The following DMD variants were observed in gnomAD, a reference collection of about 807,000 sequenced individuals.
DMD encodes the protein dystrophin.
A neutral mutation model predicts 330.1 loss-of-function variants in DMD; 63 were observed. That is an observed-to-expected ratio of 0.19 (90% CI 0.16 to 0.24). DMD has a LOEUF of 0.24. DMD is among the 10% of genes least tolerant of loss of function. DMD has a pLI of 1.00. For missense variants in DMD, 3,344 were observed against 2,684.1 expected (o/e 1.25, Z -5.43); for synonymous variants, 1,223 against 959.8 (o/e 1.27, Z -5.07).
At chrX:32,634,525 G>C (rs1210983474) in intron 11 of DMD, among the ~76,000 whole-genome samples, 1 of 111,727 alleles carries the variant, frequency 9.0e-6, no homozygotes, top group East Asian at 2.8e-4. Context: ...GATTATTCAG[G>C]GCCCTAGGTC....
At chrX:32,807,843 C>T (rs1363050668) in intron 7 of DMD, among the ~76,000 whole-genome samples, 1 of 111,765 alleles carries the variant, frequency 8.9e-6, no homozygotes, top group East Asian at 2.8e-4. Context: ...AGAAAAATAT[C>T]TATTTTTAAA....
At chrX:31,940,092 A>G (rs6527135) in intron 45 of DMD, among the ~76,000 whole-genome samples, 7,636 of 111,560 alleles carry the variant, frequency 0.068, 705 homozygotes, top group African/African-American at 0.24. Flanking sequence ...AAGGGGAGGC[A>G]GACAGTAAAC....
intron 47 of DMD, among the ~76,000 whole-genome samples, chrX:31,926,663 G>A (rs1467281845): frequency 2.7e-5 from 3 of 109,345 alleles, no homozygotes; most frequent in Admixed American, 2.0e-4. Flanking sequence ...ATGACAAAGC[G>A]AGACTCTGTC....
chrX:32,535,673 C>T (rs112006793), intron 17 of DMD, among the ~76,000 whole-genome samples: 1 of 111,411 alleles, frequency 9.0e-6, no homozygotes, highest in Admixed American at 9.5e-5. Flanking sequence ...CCATCCCCTG[C>T]GCTGCGTCTC....
chrX:31,422,046 T>A (rs866915326), intron 60 of DMD, among the ~76,000 whole-genome samples: 5,403 of 97,997 alleles, frequency 0.055, 157 homozygotes, highest in Middle Eastern at 0.12. Flanking sequence ...TATATATATT[T>A]TTTTTTTTCT....
At chrX:32,027,028 C>A (rs1244114013) in intron 44 of DMD, among the ~76,000 whole-genome samples, 1 of 111,003 alleles carries the variant, frequency 9.0e-6, no homozygotes, top group Non-Finnish European at 1.9e-5. Context: ...TAGTTGCTGG[C>A]TTGCAGCTGG....
At chrX:32,328,605 A>G (rs1259382206) in intron 41 of DMD, among the ~76,000 whole-genome samples, 1 of 110,626 alleles carries the variant, frequency 9.0e-6, no homozygotes, top group African/African-American at 3.3e-5. Flanking sequence ...GAAACTTAGC[A>G]GGAATGGTAT....
intron 7 of DMD, among the ~76,000 whole-genome samples, chrX:32,800,594 C>T (rs1370374753): frequency 2.7e-5 from 3 of 111,241 alleles, no homozygotes; most frequent in African/African-American, 9.8e-5. Context: ...TTTTGGGATA[C>T]ATGTGCAGAA....
At chrX:32,745,547 CAA>C (rs1207665400) in intron 7 of DMD, among the ~76,000 whole-genome samples, 2 of 112,377 alleles carry the variant, frequency 1.8e-5, no homozygotes, top group Non-Finnish European at 3.8e-5. Context: ...GTAATGAGTT[CAA>C]AGTGTTTACA....
chrX:32,095,312 T>C (rs1438001363), intron 44 of DMD, among the ~76,000 whole-genome samples: 1 of 112,140 alleles, frequency 8.9e-6, no homozygotes, highest in Non-Finnish European at 1.9e-5. Context: ...TCGTTATCCA[T>C]AGTTTCAAGC....
intron 1 of DMD, among the ~76,000 whole-genome samples, chrX:33,201,081 G>A (rs1331962948): frequency 8.3e-5 from 9 of 108,564 alleles, no homozygotes; most frequent in East Asian, 5.8e-4. Context: ...ACAGGTGCAC[G>A]CCACCACGTC....
intron 1 of DMD, among the ~76,000 whole-genome samples, chrX:33,093,094 C>T (rs867953175): frequency 3.7e-4 from 41 of 111,158 alleles, no homozygotes; most frequent in African/African-American, 1.2e-3. Flanking sequence ...AGGCTGGTCT[C>T]GAACTCCTGA....
intron 2 of DMD, among the ~76,000 whole-genome samples, chrX:32,947,281 T>C (rs2090887261): frequency 8.9e-6 from 1 of 112,048 alleles, no homozygotes; most frequent in East Asian, 2.8e-4. Context: ...CAATTACAAA[T>C]CTGGCCTTCA....
chrX:32,624,380 G>A (rs757325883), intron 11 of DMD, among the ~76,000 whole-genome samples: 19 of 111,856 alleles, frequency 1.7e-4, no homozygotes, highest in African/African-American at 2.6e-4. Context: ...ACTTCCAATC[G>A]TTCAGATCAT....
At chrX:32,402,005 G>C (rs964352573) in intron 30 of DMD, among the ~76,000 whole-genome samples, 3 of 112,037 alleles carry the variant, frequency 2.7e-5, no homozygotes, top group Non-Finnish European at 5.6e-5. Flanking sequence ...TTAATAAAGG[G>C]CTAATTATTA....
chrX:32,658,798 T>A (rs1312652227), intron 9 of DMD, among the ~76,000 whole-genome samples: 1 of 111,583 alleles, frequency 9.0e-6, no homozygotes, highest in Non-Finnish European at 1.9e-5. Context: ...ATAAAACCAG[T>A]GGCCGCATTC....
In DMD at chrX:32,901,634, T is replaced by C. The variant is rs780152374; in HGVS notation, c.94-51814A>G. 1.5e-3 allele frequency among the ~76,000 whole-genome samples: 169 copies of C among 111,463 alleles called. 5 individuals are homozygous for C. Among genetic ancestry groups the C allele is most frequent in the African/African-American group, 5.5e-3 (167 of 30,284 alleles). On this transcript the variant is annotated intron_variant, in intron 2 of 78. Transcript: ENST00000357033. ...CATTATAAGCAGCTGTTTCAAAACCTAGTTTTATGCAACATGTGCCCTTTT... is the reference window on the plus strand; with the variant it reads ...CATTATAAGCAGCTGTTTCAAAACCCAGTTTTATGCAACATGTGCCCTTTT...
intron 44 of DMD, among the ~76,000 whole-genome samples, chrX:32,164,812 C>T (rs2096862290): frequency 9.0e-6 from 1 of 110,631 alleles, no homozygotes; most frequent in African/African-American, 3.3e-5. Flanking sequence ...CCAACCCCAC[C>T]ACTGTGTGCG....
intron 1 of DMD, among the ~76,000 whole-genome samples, chrX:33,267,830 A>G (rs2053073121): frequency 9.0e-6 from 1 of 111,660 alleles, no homozygotes; most frequent in Non-Finnish European, 1.9e-5. Flanking sequence ...AAATGATGCC[A>G]GGATCACTGG....
Sources: gnomAD v4.1 joint callset for allele counts (sites outside exome capture counted in the v4.1 genomes callset) on GRCh38, gnomAD v4.1.1 for gene constraint, MANE v1.5 for transcripts, NCBI Gene and HGNC (gene_info 2026-07-23, HGNC 2026-07-21) for gene names.